The following TCP10L variants were observed in gnomAD, a reference collection of about 807,000 sequenced individuals.
The protein encoded by TCP10L is t-complex 10 like.
TCP10L carries 11 observed loss-of-function variants against 19.2 expected under a neutral mutation model. That is an observed-to-expected ratio of 0.57 (90% confidence interval 0.36 to 0.95). The LOEUF is 0.95. TCP10L is among the 40% of genes least tolerant of loss of function. The pLI is 0.01. For synonymous variants in TCP10L, 96 were observed against 97.2 expected (o/e 0.99, Z 0.07); for missense variants, 247 against 263.9 (o/e 0.94, Z 0.44).
chr21:32,583,209 A>G (rs2038516287), intron 2 of TCP10L, among the ~76,000 whole-genome samples: 1 of 151,310 alleles, frequency 6.6e-6, no homozygotes, highest in South Asian at 2.1e-4. Flanking sequence ...TAATTTTTCT[A>G]TTGTTAGTAG....
rs927988519 is a variant in TCP10L at position 32,581,741 on chromosome 21, G to C, written c.360+459C>G. Among the ~76,000 whole-genome samples the C allele has an allele frequency of 2.8e-4, 43 of 152,328 alleles. 1 individual carries two copies. The highest frequency in any genetic ancestry group is 1.2e-4 in the Non-Finnish European group (8 of 68,034). The stretch of plus-strand genomic sequence containing the variant: ...CTAGAGGATGAACAGAAGGACACCA[G>C]GCTACTGAGCTGGCTCTGGAGTCAC... On this transcript the variant is annotated intron_variant, in intron 3 of 4. Transcript: ENST00000300258.
At chr21:32,581,442 A>C (rs2038493356) in intron 3 of TCP10L, among the ~76,000 whole-genome samples, 1 of 152,194 alleles carries the variant, frequency 6.6e-6, no homozygotes, top group Admixed American at 6.5e-5. Context: ...AGAGGGTCTA[A>C]TTGAGCTGAT....
intron 3 of TCP10L, among the ~76,000 whole-genome samples, chr21:32,579,721 A>C (rs961494435): frequency 6.6e-6 from 1 of 152,156 alleles, no homozygotes; most frequent in Non-Finnish European, 1.5e-5. Context: ...GACTTCATTG[A>C]CTCTTAGGGT....
At chr21:32,583,722 T>C (rs2038525016) in intron 2 of TCP10L, among the ~76,000 whole-genome samples, 1 of 151,806 alleles carries the variant, frequency 6.6e-6, no homozygotes, top group South Asian at 2.1e-4. Flanking sequence ...GGGATCGTGA[T>C]AAAGGTACAG....
intron 2 of TCP10L, 82 bp downstream of exon 2, chr21:32,584,079 A>G: frequency 1.3e-6 from 2 of 1,514,386 alleles, no homozygotes; most frequent in Non-Finnish European, 1.8e-6. Flanking sequence ...CCAGCAAGGG[A>G]AAGTCCAATG....
At chr21:32,584,760 G>A (rs1225126187) in intron 1 of TCP10L, among the ~76,000 whole-genome samples, 1 of 152,030 alleles carries the variant, frequency 6.6e-6, no homozygotes, top group African/African-American at 2.4e-5. Context: ...GTGGAGGGTC[G>A]CATGAGACAC....
rs2038455404 is a variant in TCP10L, at chr21:32,578,223, A to C, written c.498+471T>G. Among the ~76,000 whole-genome samples the C allele has an allele frequency of 6.6e-6, 1 of 152,238 alleles. No homozygotes were observed. Among genetic ancestry groups the C allele is most frequent in the South Asian group, 2.1e-4 (1 of 4,830 alleles). On this transcript the variant is annotated intron_variant, in intron 4 of 4. Coordinates refer to ENST00000300258, the MANE Select transcript of TCP10L (RefSeq NM_144659.7). This position sits in a 1 kb window ranked among gnomAD's most constrained non-coding sequence, Gnocchi z 4.2. ...TGGGGGCCTATTCCCAACAAGAGAC[A>C]AAATAGCATCCTGTACTGTGGCTCC... is the stretch of plus-strand genomic sequence containing the variant.
In TCP10L at chr21:32,582,128, G is replaced by A; in HGVS notation, c.360+72C>T. ...TGATACCGCGTCATTCAGCAATAAAGCCCACATCTTTATGGGGACGCTATT... is the reference window on the plus strand; with the variant it reads ...TGATACCGCGTCATTCAGCAATAAAACCCACATCTTTATGGGGACGCTATT... On this transcript the variant is annotated intron_variant, in intron 3 of 4. Transcript: ENST00000300258. The surrounding 1 kb of genome is among the most constrained non-coding windows in gnomAD (Gnocchi z 4.2). 1.3e-6 allele frequency: 2 copies of A among 1,541,396 alleles called. No homozygotes were observed. Among genetic ancestry groups the A allele is most frequent in the Non-Finnish European group, 1.8e-6 (2 of 1,127,708 alleles).
In TCP10L at chr21:32,578,675, G is replaced by A. The variant is rs1264440276; in HGVS notation, c.498+19C>T. The A allele has an allele frequency of 1.9e-6, 3 of 1,608,422 alleles. No individual in the cohort carries two copies. The highest frequency in any genetic ancestry group is 2.5e-6 in the Non-Finnish European group (3 of 1,178,076). On this transcript the variant is annotated intron_variant, in intron 4 of 4. Transcript: ENST00000300258. This position sits in a 1 kb window ranked among gnomAD's most constrained non-coding sequence, Gnocchi z 4.2. The stretch of plus-strand genomic sequence containing the variant: ...AGAACCTCTGCTTCTCTTTACAGAT[G>A]ATAAGCACAAAGGGTCACCTTTGGA...
At position 32,574,066 on chromosome 21, in the gene TCP10L, C is replaced by T. The variant is rs1373878259; in HGVS notation, c.*2708G>A. 6.6e-6 allele frequency: 1 copy of T among 152,102 alleles called. No homozygotes were observed. The highest frequency in any genetic ancestry group is 2.4e-5 in the African/African-American group (1 of 41,412). The allele number at this position is 152,102 out of a possible 1,614,324, so 9.4% of individuals were successfully genotyped here. On this transcript the variant is annotated 3_prime_UTR_variant, in exon 5 of 5. Transcript: ENST00000300258. ...ACAGAAAACAAGCGGGACCTGTGTT[C>T]CCAGACTTCCCCGCCAGGTGCCTAC...
At chr21:32,581,965 C>T (rs1455445543) in intron 3 of TCP10L, among the ~76,000 whole-genome samples, 3 of 152,174 alleles carry the variant, frequency 2.0e-5, no homozygotes, top group South Asian at 2.1e-4. Context: ...TTGAGACACA[C>T]GGCCTGGGGG....
intron 3 of TCP10L, among the ~76,000 whole-genome samples, chr21:32,580,640 T>G (rs771601153): frequency 3.9e-5 from 6 of 152,224 alleles, no homozygotes; most frequent in South Asian, 2.1e-4. Context: ...ATATCCCCAC[T>G]TACGTTTGGA....
In TCP10L at chr21:32,582,409, G is replaced by A; in HGVS notation, c.151C>T (p.Gln51Ter). The A allele has an allele frequency of 1.9e-6, 3 of 1,611,144 alleles. No individual in the cohort carries two copies. Among genetic ancestry groups the A allele is most frequent in the Non-Finnish European group, 2.5e-6 (3 of 1,179,366 alleles). The part of the protein sequence containing the change: ...DCNTGEMPPL[Q>*]QQIIRLHQEL... ...TGGTGGAGTCTGATGATCTGCTGCT[G>A]TAATGGCTGTTATTGGGAAGAGAAC... Residue 51 changes from glutamine (Q) to a stop codon, truncating the protein, a stop_gained, in exon 3 of 5, where the codon CAG becomes TAG. Transcript: ENST00000300258. LOFTEE classifies it high-confidence loss of function. This position sits in a 1 kb window ranked among gnomAD's most constrained non-coding sequence, Gnocchi z 4.2.
At chr21:32,584,496 A>C (rs2038536276) in intron 1 of TCP10L, among the ~76,000 whole-genome samples, 191 bp from the exon 2 acceptor site, 1 of 152,140 alleles carries the variant, frequency 6.6e-6, no homozygotes, top group Admixed American at 6.5e-5. Context: ...AGAGGGACTG[A>C]GCTGTCCACA....
chr21:32,582,203 A>C lies in TCP10L; in HGVS notation c.357T>G (p.Thr119=). Residue 119 remains threonine, a synonymous_variant, in exon 3 of 5, where the codon ACT becomes ACG. Transcript: ENST00000300258. This position sits in a 1 kb window ranked among gnomAD's most constrained non-coding sequence, Gnocchi z 4.2. ...AACATAAATGCGCTTTTGGTACCAG[A>C]GTGTGCGATTCTTGCCCCGCGTGTG... is the stretch of plus-strand genomic sequence containing the variant. ...ASPHAGQESH[T]LALEPAFGKI... 1 of 1,613,898 alleles carries C rather than the reference A, an allele frequency of 6.2e-7. No homozygotes were observed. The highest frequency in any genetic ancestry group is 8.5e-7 in the Non-Finnish European group (1 of 1,179,934).
Position 32,582,405 on chromosome 21 carries a change from T to C in TCP10L, c.155A>G (p.Gln52Arg). The change falls in exon 3 of 5, where the codon CAG becomes CGG. Residue 52 changes from glutamine (Q) to arginine (R), a missense_variant. Physicochemically the swap from Gln to Arg is conservative, Grantham distance 43. Coordinates refer to ENST00000300258, the MANE Select transcript of TCP10L (RefSeq NM_144659.7). This position sits in a 1 kb window ranked among gnomAD's most constrained non-coding sequence, Gnocchi z 4.2. ...CTCTTGGTGGAGTCTGATGATCTGCTGCTGTAATGGCTGTTATTGGGAAGA... is the reference window on the plus strand; with the variant it reads ...CTCTTGGTGGAGTCTGATGATCTGCCGCTGTAATGGCTGTTATTGGGAAGA... ...CNTGEMPPLQ[Q>R]QIIRLHQELG... 6.2e-7 allele frequency: 1 copy of C among 1,612,278 alleles called. No individual in the cohort carries two copies. The highest frequency in any genetic ancestry group is 1.3e-5 in the African/African-American group (1 of 74,850).
rs2038421588 is a variant in TCP10L at position 32,575,542 on chromosome 21, G to A, written c.*1232C>T. On this transcript the variant is annotated 3_prime_UTR_variant, in exon 5 of 5. Coordinates refer to ENST00000300258, the MANE Select transcript of TCP10L (RefSeq NM_144659.7). ...GGTGCCAGGCAGCCCAGGGCGAGTG[G>A]TGCCCACAGGCTTGGGCTGTGCTGT... is the stretch of plus-strand genomic sequence containing the variant. 6.6e-6 allele frequency: 1 copy of A among 152,618 alleles called. No homozygotes were observed. The allele number at this position is 152,618 out of a possible 1,614,324, so 9.5% of individuals were successfully genotyped here.
rs1473999765 is a variant in TCP10L, at chr21:32,584,288, A to G, written c.17T>C (p.Leu6Pro). 9 of 1,613,668 alleles carry G rather than the reference A, an allele frequency of 5.6e-6. No homozygotes were observed. In the East Asian group the frequency reaches 1.8e-4, roughly 32 times the overall value. The change falls in exon 2 of 5, where the codon CTC (leucine) becomes CCC (proline). Residue 6 changes from leucine (L) to proline (P), a missense_variant. Coordinates refer to ENST00000300258, the MANE Select transcript of TCP10L (RefSeq NM_144659.7). MLAGQ[L>P]EARDPKEGTH... ...GCCCTCTTTGGGGTCCCTGGCCTCG[A>G]GTTGACCTGCCAGCATCCTGGTTGG...
At position 32,583,024 on chromosome 21, in the gene TCP10L, C is replaced by CTTTTTTTTTTTTT. The variant is rs59972145; in HGVS notation, c.145-622_145-610dup. On this transcript the variant is annotated intron_variant, in intron 2 of 4. Coordinates refer to ENST00000300258, the MANE Select transcript of TCP10L (RefSeq NM_144659.7). ...GCAAAAAGAGGCTGGCATTCTTTTCCTTTTTTTTTTTTTTTTTTTTTTTTT... is the reference window on the plus strand; with the variant it reads ...GCAAAAAGAGGCTGGCATTCTTTTCCTTTTTTTTTTTTTTTTTTTTTTTTTTTTTTTTTTTTTT... 5.3e-5 allele frequency among the ~76,000 whole-genome samples: 5 copies of CTTTTTTTTTTTTT among 94,814 alleles called. 1 individual carries two copies. The highest frequency in any genetic ancestry group is 6.8e-3 in the Middle Eastern group (1 of 148). 62.2% of individuals were successfully genotyped at this position (94,814 alleles called of 152,430 possible).
Sources: allele counts gnomAD v4.1 joint callset (sites outside exome capture counted in the v4.1 genomes callset), GRCh38; gene constraint gnomAD v4.1.1; non-coding constraint Gnocchi (gnomAD v3.1); transcripts MANE v1.5; gene names NCBI Gene and HGNC (gene_info 2026-07-23, HGNC 2026-07-21).